Variants in ZNF33B observed in about 807,000 individuals in gnomAD.
The protein encoded by ZNF33B is zinc finger protein 11b (KOX 2).
A neutral mutation model predicts 45.8 loss-of-function variants in ZNF33B; 29 were observed. That is an observed-to-expected ratio of 0.63 (90% CI 0.47 to 0.86). The LOEUF (loss-of-function observed/expected upper bound fraction) is 0.86, where lower values mean the gene tolerates loss of function less well. Among genes scored for constraint, ZNF33B ranks in the 40% least tolerant of loss-of-function variants. The pLI, the probability that ZNF33B is intolerant of heterozygous loss-of-function variation, is 0.00. For missense variants in ZNF33B, 831 were observed against 909.9 expected, an observed-to-expected ratio of 0.91 and a Z score of 1.12; for synonymous variants, 305 against 307.8, an observed-to-expected ratio of 0.99 and a Z score of 0.10.
chr10:42,583,659 C>T (rs754061246), intron 1 of ZNF33B, among the ~76,000 whole-genome samples: 4 of 152,164 alleles, frequency 2.6e-5, no homozygotes, highest in Non-Finnish European at 5.9e-5. Flanking sequence ...ATGGTCTCCA[C>T]TTTTGTGGGA....
intron 4 of ZNF33B, among the ~76,000 whole-genome samples, chr10:42,607,633 C>T (rs1274779037): frequency 6.6e-6 from 1 of 152,030 alleles, no homozygotes; most frequent in East Asian, 1.9e-4. Flanking sequence ...GAGGTAAATC[C>T]AACTACAGAT....
At chr10:42,581,256 CAGG>C (rs1836818738) in intron 1 of ZNF33B, among the ~76,000 whole-genome samples, 1 of 151,892 alleles carries the variant, frequency 6.6e-6, no homozygotes, top group South Asian at 2.1e-4. Context: ...GAGGTTGAGG[CAGG>C]AGTTCGAGAC....
intron 1 of ZNF33B, among the ~76,000 whole-genome samples, chr10:42,580,449 G>A (rs1379120145): frequency 1.3e-5 from 2 of 151,832 alleles, no homozygotes; most frequent in African/African-American, 2.4e-5. Flanking sequence ...TGTTGGCCAG[G>A]CTGGTCTTGA....
At chr10:42,613,057 A>G (rs1298707435) in intron 4 of ZNF33B, among the ~76,000 whole-genome samples, 1 of 152,210 alleles carries the variant, frequency 6.6e-6, no homozygotes, top group African/African-American at 2.4e-5. Context: ...AATAGTATCA[A>G]TGAAGGACCC....
At chr10:42,585,690 C>G (rs576160809), downstream of ZNF33B, among the ~76,000 whole-genome samples, 1 of 152,294 alleles carries the variant, frequency 6.6e-6, no homozygotes, top group South Asian at 2.1e-4. Context: ...AATCACTGAA[C>G]AAAGCAGGAT....
intron 4 of ZNF33B, among the ~76,000 whole-genome samples, chr10:42,603,673 A>G (rs1403224906): frequency 6.6e-6 from 1 of 152,234 alleles, no homozygotes; most frequent in Non-Finnish European, 1.5e-5. Flanking sequence ...AGAGCAACAT[A>G]TGGTCCAGGA....
intron 4 of ZNF33B, among the ~76,000 whole-genome samples, chr10:42,617,840 T>TGCC (rs1838394153): frequency 6.6e-6 from 1 of 151,800 alleles, no homozygotes; most frequent in Non-Finnish European, 1.5e-5. Flanking sequence ...GATAATTGGC[T>TGCC]AATAGATTTC....
In ZNF33B at chr10:42,606,311, A is replaced by G. The variant is rs567816878; in HGVS notation, c.251-11612T>C. Among the ~76,000 whole-genome samples the G allele has an allele frequency of 9.2e-5, 14 of 151,726 alleles. No individual in the cohort carries two copies. The South Asian group carries it at 2.9e-3, about 32-fold the overall frequency. On this transcript the variant is annotated intron_variant, in intron 4 of 4. Coordinates refer to ENST00000359467, the MANE Select transcript of ZNF33B (RefSeq NM_006955.3). Reference sequence around the variant, plus strand: ...GAAACCCCATCTCTACTAAAAACACAAAAATTAGCTGGGTGTGGTGGCGCA... The same window carrying G: ...GAAACCCCATCTCTACTAAAAACACGAAAATTAGCTGGGTGTGGTGGCGCA...
intron 4 of ZNF33B, among the ~76,000 whole-genome samples, chr10:42,608,960 TA>T (rs1479957351): frequency 6.7e-6 from 1 of 149,620 alleles, no homozygotes. Flanking sequence ...GAAATAAAAA[TA>T]ATTACAAAGA....
intron 1 of ZNF33B, chr10:42,583,317 C>G: frequency 2.3e-6 from 1 of 431,858 alleles, no homozygotes; most frequent in East Asian, 4.6e-5. Flanking sequence ...AACCGATTCC[C>G]TGGAACTGCC....
At chr10:42,581,145 A>C (rs1274466652) in intron 1 of ZNF33B, among the ~76,000 whole-genome samples, 1 of 152,050 alleles carries the variant, frequency 6.6e-6, no homozygotes, top group African/African-American at 2.4e-5. Context: ...CCTTTTCTTT[A>C]TGCACCCAGT....
chr10:42,601,468 GTTTTTTTTTTT>G (rs57196690), intron 4 of ZNF33B, among the ~76,000 whole-genome samples: 441 of 79,526 alleles, frequency 5.5e-3, no homozygotes, highest in Non-Finnish European at 8.0e-3. Flanking sequence ...ACATGGGCTT[GTTTTTTTTTTT>G]TTTTTTTTTT....
chr10:42,626,891 T>TGAA (rs1838833496), intron 4 of ZNF33B, among the ~76,000 whole-genome samples: 2 of 152,128 alleles, frequency 1.3e-5, no homozygotes, highest in Non-Finnish European at 2.9e-5. Flanking sequence ...TGATTCAAAT[T>TGAA]AAGTCAACTT....
chr10:42,583,190 G>A (rs574944967), intron 1 of ZNF33B: 4 of 732,316 alleles, frequency 5.5e-6, no homozygotes, highest in South Asian at 4.1e-5. Flanking sequence ...ATGTGAAGAT[G>A]GCCTGAAAGC....
At chr10:42,574,795 T>C (rs1438616722) in intron 1 of ZNF33B, 1 of 152,142 alleles carries the variant, frequency 6.6e-6, no homozygotes, top group African/African-American at 2.4e-5. Context: ...ACGTCAAAAA[T>C]CAAAGTTCCC....
At chr10:42,637,503 G>C (rs748053777) in intron 1 of ZNF33B, among the ~76,000 whole-genome samples, 6 of 152,216 alleles carry the variant, frequency 3.9e-5, no homozygotes, top group Non-Finnish European at 8.8e-5. Flanking sequence ...GATGTGTGTA[G>C]AAAAGTAGTA....
At chr10:42,588,135 G>A (rs1230422031), downstream of ZNF33B, among the ~76,000 whole-genome samples, 1 of 152,210 alleles carries the variant, frequency 6.6e-6, no homozygotes, top group South Asian at 2.1e-4. Context: ...CTCAAGTGCT[G>A]ATCAGTTTGT....
At position 42,629,870 on chromosome 10, in the gene ZNF33B, T is replaced by C. The variant is rs1000003382; in HGVS notation, c.250+2059A>G. Among the ~76,000 whole-genome samples the C allele has an allele frequency of 1.1e-4, 17 of 152,210 alleles. 1 individual carries two copies. Among genetic ancestry groups the C allele is most frequent in the African/African-American group, 4.8e-5 (2 of 41,450 alleles). On this transcript the variant is annotated intron_variant, in intron 4 of 4. Transcript: ENST00000359467. The stretch of plus-strand genomic sequence containing the variant: ...GTTGTTCTAGGTATTAAAATGTACA[T>C]ATGTAAGTTATCACAGTCTATCAAG...
intron 2 of ZNF33B, among the ~76,000 whole-genome samples, chr10:42,634,299 G>T (rs1278760138): frequency 3.9e-5 from 6 of 151,970 alleles, no homozygotes; most frequent in African/African-American, 1.4e-4. Context: ...CCCAGTTGCT[G>T]GAGAGGCTGA....
Sources: gnomAD v4.1 joint callset for allele counts (sites outside exome capture counted in the v4.1 genomes callset) on GRCh38, gnomAD v4.1.1 for gene constraint, MANE v1.5 for transcripts, NCBI Gene and HGNC (gene_info 2026-07-23, HGNC 2026-07-21) for gene names.